GRAMD2A: variants seen among roughly 807,000 people sequenced by gnomAD.
GRAMD2A encodes GRAM domain containing 2A.
A neutral mutation model predicts 51.1 loss-of-function variants in GRAMD2A; 37 were observed. That is an observed-to-expected ratio of 0.72 (90% CI 0.56 to 0.95). GRAMD2A has a LOEUF of 0.95. Among genes scored for constraint, GRAMD2A ranks in the 40% least tolerant of loss-of-function variants. The probability of loss-of-function intolerance (pLI) is 0.00; values close to 1 mark genes in which losing one functional copy is unlikely to be tolerated. For missense variants in GRAMD2A, 414 were observed against 426.9 expected (o/e 0.97, Z 0.27); for synonymous variants, 136 against 157.1 (o/e 0.87, Z 1.01).
chr15:72,163,167 C>G, intron 10 of GRAMD2A, 99 bp downstream of exon 10: 1 of 791,742 alleles, frequency 1.3e-6, no homozygotes, highest in Non-Finnish European at 2.1e-6. Flanking sequence ...GAAACTTCCC[C>G]CTGGTTCTGA....
At position 72,167,809 on chromosome 15, in the gene GRAMD2A, A is replaced by G; in HGVS notation, c.299T>C (p.Leu100Pro). ...GGAGATGTAGAGCCGGCCCTGGAGG[A>G]GGAAGTCCCTCTGGAGGGCACAGGA... ...VCSCALQRDF[L>P]LQGRLYISPN... Residue 100 changes from leucine to proline, a missense_variant, in exon 5 of 12, where the codon CTC (leucine) becomes CCC (proline). By Grantham distance (98) the Leu-to-Pro change is moderately conservative. Transcript: ENST00000309731. 1 of 1,614,024 alleles carries G rather than the reference A, an allele frequency of 6.2e-7. No homozygotes were observed. The highest frequency in any genetic ancestry group is 2.2e-5 in the East Asian group (1 of 44,876).
intron 1 of GRAMD2A, among the ~76,000 whole-genome samples, chr15:72,192,679 G>A (rs1350195603): frequency 6.6e-6 from 1 of 152,214 alleles, no homozygotes; most frequent in Non-Finnish European, 1.5e-5. Flanking sequence ...ATGTTAGGAG[G>A]AAAAGCAATT....
chr15:72,193,312 G>T (rs1004590678), intron 1 of GRAMD2A, among the ~76,000 whole-genome samples: 8 of 150,178 alleles, frequency 5.3e-5, no homozygotes, highest in Non-Finnish European at 1.2e-4. Flanking sequence ...TGCCTCCCGG[G>T]TTCAAGCGAT....
chr15:72,169,277 T>G (rs1392188005), intron 2 of GRAMD2A: 2 of 525,892 alleles, frequency 3.8e-6, no homozygotes, highest in Non-Finnish European at 6.9e-6. Flanking sequence ...GCGCCTGGTC[T>G]CCCAGAGATG....
chr15:72,179,755 C>T (rs1411261653), intron 1 of GRAMD2A, among the ~76,000 whole-genome samples: 1 of 152,206 alleles, frequency 6.6e-6, no homozygotes, highest in African/African-American at 2.4e-5. Flanking sequence ...CCCCGACTAG[C>T]ACTGGTGAGC....
intron 4 of GRAMD2A, 130 bp from the exon 5 acceptor site, chr15:72,167,969 A>C: frequency 1.5e-6 from 1 of 685,640 alleles, no homozygotes; most frequent in Non-Finnish European, 2.6e-6. Flanking sequence ...CCCCTTCCCC[A>C]CCGCAGGCCC....
Position 72,167,111 on chromosome 15 carries a change from C to T in GRAMD2A, c.373-19G>A, listed in dbSNP as rs372432030. 7.7e-6 allele frequency: 12 copies of T among 1,567,930 alleles called. No homozygotes were observed. The African/African-American group carries it at 1.1e-4, about 14-fold the overall frequency. Reference sequence around the variant, plus strand: ...TGACCACCTGAGAGGGAGAGGGATGCTTCTCTCAGGACTAACCCCCAAGGA... The same window carrying T: ...TGACCACCTGAGAGGGAGAGGGATGTTTCTCTCAGGACTAACCCCCAAGGA... On this transcript the variant is annotated intron_variant, in intron 5 of 11. Coordinates refer to ENST00000309731, the MANE Select transcript of GRAMD2A (RefSeq NM_001012642.3).
intron 5 of GRAMD2A, among the ~76,000 whole-genome samples, 190 bp downstream of exon 5, chr15:72,167,546 T>G (rs969171903): frequency 6.6e-6 from 1 of 152,244 alleles, no homozygotes; most frequent in Non-Finnish European, 1.5e-5. Flanking sequence ...ATTGGGCCCC[T>G]GTTTTTGAAG....
chr15:72,178,792 T>C (rs1018884242), intron 1 of GRAMD2A, among the ~76,000 whole-genome samples: 15 of 151,990 alleles, frequency 9.9e-5, no homozygotes, highest in Non-Finnish European at 1.9e-4. Flanking sequence ...GCCAGGATGG[T>C]CTTGATCTCC....
chr15:72,185,482 C>T (rs907577191), intron 1 of GRAMD2A, among the ~76,000 whole-genome samples: 2 of 152,236 alleles, frequency 1.3e-5, no homozygotes, highest in African/African-American at 4.8e-5. Context: ...GCATAAGCCA[C>T]CATTCCTGGC....
intron 8 of GRAMD2A, among the ~76,000 whole-genome samples, chr15:72,164,633 G>A (rs897443059): frequency 6.6e-6 from 1 of 151,972 alleles, no homozygotes; most frequent in Admixed American, 6.5e-5. Flanking sequence ...TCGAACTCCC[G>A]GGCTCAAGCC....
chr15:72,162,311 T>A lies in GRAMD2A; in HGVS notation c.1023A>T (p.Leu341Phe). Residue 341 changes from leucine (L) to phenylalanine (F), a missense_variant, in exon 11 of 12, where the codon TTA becomes TTT. Transcript: ENST00000309731. ...CTGGGTCATCCCAACTCAAGGAGCA[T>A]AACTGCTGCTCTAGCCGAGAAATAC... Reference protein sequence around the residue: ...AFRISRLEQQLCSLSWDDPVP... With the variant: ...AFRISRLEQQFCSLSWDDPVP... 1.9e-6 allele frequency: 3 copies of A among 1,614,020 alleles called. No homozygotes were observed. In the East Asian group the frequency reaches 6.7e-5, roughly 36 times the overall value.
chr15:72,179,743 G>A lies in GRAMD2A; in HGVS notation c.42-9804C>T, dbSNP rs77921608. On this transcript the variant is annotated intron_variant, in intron 1 of 11. Coordinates refer to ENST00000309731, the MANE Select transcript of GRAMD2A (RefSeq NM_001012642.3). The stretch of plus-strand genomic sequence containing the variant: ...CATAACCCTGCCCATTGAGCAGGAC[G>A]TCCCCGACTAGCACTGGTGAGCGCT... 3.3e-4 allele frequency among the ~76,000 whole-genome samples: 50 copies of A among 152,298 alleles called. No homozygotes were observed. In the East Asian group the frequency reaches 7.9e-3, roughly 24 times the overall value.
chr15:72,165,658 G>A (rs2081534832), intron 7 of GRAMD2A, among the ~76,000 whole-genome samples: 1 of 151,874 alleles, frequency 6.6e-6, no homozygotes, highest in Non-Finnish European at 1.5e-5. Context: ...GGCAGAGAGA[G>A]TCATAGGGCA....
chr15:72,169,693 G>A (rs976255948), intron 2 of GRAMD2A, 154 bp downstream of exon 2: 12 of 700,948 alleles, frequency 1.7e-5, no homozygotes, highest in East Asian at 5.2e-5. Context: ...CTTGAGGGGC[G>A]GGAGGAAGAA....
chr15:72,169,310 G>T (rs1473158069), intron 2 of GRAMD2A: 1 of 481,382 alleles, frequency 2.1e-6, no homozygotes, highest in Non-Finnish European at 3.8e-6. Context: ...CCACCTGGGT[G>T]TCAAAGACCC....
At chr15:72,192,711 C>A (rs997046094) in intron 1 of GRAMD2A, among the ~76,000 whole-genome samples, 3 of 152,220 alleles carry the variant, frequency 2.0e-5, no homozygotes, top group Admixed American at 6.5e-5. Context: ...TAAACTAATT[C>A]TTCAAGTGAT....
In GRAMD2A at chr15:72,170,155, C is replaced by T. The variant is rs559603018; in HGVS notation, c.42-216G>A. 191 of 663,736 alleles carry T rather than the reference C, an allele frequency of 2.9e-4. 2 individuals are homozygous for T. Among genetic ancestry groups the T allele is most frequent in the South Asian group, 2.7e-3 (178 of 66,508 alleles). 41.1% of individuals were successfully genotyped at this position (663,736 alleles called of 1,614,324 possible). ...GGCGGGTCTCACACAGCGTCTTTCC[C>T]GAAAGCCAGAAGTTCTGCTTATGCC... On this transcript the variant is annotated intron_variant, in intron 1 of 11. Coordinates refer to ENST00000309731, the MANE Select transcript of GRAMD2A (RefSeq NM_001012642.3). This position sits in a 1 kb window ranked among gnomAD's most constrained non-coding sequence, Gnocchi z 4.5.
chr15:72,166,697 A>G lies in GRAMD2A; in HGVS notation c.478T>C (p.Phe160Leu). The G allele has an allele frequency of 2.5e-6, 4 of 1,612,942 alleles. No individual in the cohort carries two copies. Among genetic ancestry groups the G allele is most frequent in the Non-Finnish European group, 3.4e-6 (4 of 1,179,458 alleles). Residue 160 changes from phenylalanine to leucine, a missense_variant, in exon 7 of 12, where the codon TTT becomes CTT. Coordinates refer to ENST00000309731, the MANE Select transcript of GRAMD2A (RefSeq NM_001012642.3). The surrounding 1 kb of genome is among the most constrained non-coding windows in gnomAD (Gnocchi z 4.1). Reference protein sequence around the residue: ...ITTNTSQKYIFVSLLSRDSVY... With the variant: ...ITTNTSQKYILVSLLSRDSVY... ...CTGTCCCGGGAGAGCAGTGACACAA[A>G]GATATACTGGGACATGGAAAGAAAA...
Sources: gnomAD v4.1 joint callset for allele counts (sites outside exome capture counted in the v4.1 genomes callset) on GRCh38, gnomAD v4.1.1 for gene constraint, Gnocchi (gnomAD v3.1) non-coding constraint, MANE v1.5 for transcripts, NCBI Gene and HGNC (gene_info 2026-07-23, HGNC 2026-07-21) for gene names.